ZBTB25: variants seen among roughly 807,000 people sequenced by gnomAD.
ZBTB25 encodes zinc finger and BTB domain containing 25.
A neutral mutation model predicts 34.2 loss-of-function variants in ZBTB25; 20 were observed. That is an observed-to-expected ratio of 0.58 (90% CI 0.41 to 0.85). The LOEUF (loss-of-function observed/expected upper bound fraction) is 0.85. Among genes scored for constraint, ZBTB25 ranks in the 40% least tolerant of loss-of-function variants. The probability of loss-of-function intolerance (pLI) is 0.00; values close to 1 mark genes in which losing one functional copy is unlikely to be tolerated. For synonymous variants in ZBTB25, 175 were observed against 186.4 expected, an observed-to-expected ratio of 0.94 and a Z score of 0.50; for missense variants, 437 against 521.8, an observed-to-expected ratio of 0.84 and a Z score of 1.58.
Position 64,487,336 on chromosome 14 carries a change from A to C in ZBTB25, c.895T>G (p.Ser299Ala). 1 of 1,613,990 alleles carries C rather than the reference A, an allele frequency of 6.2e-7. No individual in the cohort carries two copies. The highest frequency in any genetic ancestry group is 8.5e-7 in the Non-Finnish European group (1 of 1,179,986). The change falls in exon 3 of 3, where the codon TCC becomes GCC. Residue 299 changes from serine to alanine, a missense_variant. Physicochemically the swap from Ser to Ala is moderately conservative, Grantham distance 99 (BLOSUM62 1). Coordinates refer to ENST00000608382, the MANE Select transcript of ZBTB25 (RefSeq NM_006977.5). Reference sequence around the variant, plus strand: ...TGTTCATTCTCCTTAACAATGAAGGAGCTGAGCCTGCGGCATTCAAGGGCC... The same window carrying C: ...TGTTCATTCTCCTTAACAATGAAGGCGCTGAGCCTGCGGCATTCAAGGGCC... ...SEALECRRLS[S>A]FIVKENEQQP...
intron 1 of ZBTB25, among the ~76,000 whole-genome samples, chr14:64,494,221 T>C (rs1166357541): frequency 6.6e-6 from 1 of 152,102 alleles, no homozygotes; most frequent in Non-Finnish European, 1.5e-5. Flanking sequence ...AAGAGAAACA[T>C]GGGGGTGAGG....
chr14:64,501,696 T>C (rs1241326933), intron 1 of ZBTB25, among the ~76,000 whole-genome samples: 2 of 152,214 alleles, frequency 1.3e-5, no homozygotes, highest in Non-Finnish European at 2.9e-5. Flanking sequence ...TAAATCACTT[T>C]GGTTCAGTGG....
At chr14:64,499,436 C>T (rs1237832060) in intron 1 of ZBTB25, 1 of 152,052 alleles carries the variant, frequency 6.6e-6, no homozygotes, top group East Asian at 1.9e-4. Flanking sequence ...TGTGGTGGCA[C>T]ATACCTATAA....
chr14:64,467,310 G>A (rs1327048167), intron 2 of ZBTB25: 2 of 152,198 alleles, frequency 1.3e-5, no homozygotes, highest in East Asian at 3.8e-4. Flanking sequence ...ATATTGTGGT[G>A]AGGATTAGAG....
In ZBTB25 at chr14:64,487,718, A is replaced by G; in HGVS notation, c.513T>C (p.Ser171=). ...TGCCATCATCCAGACCAATAGCAAG[A>G]GACAACTGCAACTGGGGGTGGTCAC... ...VQGDHPQLQL[S]LAIGLDDGTA... Residue 171 remains serine (S), a synonymous_variant, in exon 3 of 3, where the codon TCT becomes TCC. Coordinates refer to ENST00000608382, the MANE Select transcript of ZBTB25 (RefSeq NM_006977.5). 6.2e-7 allele frequency: 1 copy of G among 1,613,814 alleles called. No homozygotes were observed. Among genetic ancestry groups the G allele is most frequent in the Non-Finnish European group, 8.5e-7 (1 of 1,179,906 alleles).
chr14:64,449,289 A>G, exon 3 of ZBTB25: 2 of 789,158 alleles, frequency 2.5e-6, no homozygotes, highest in Non-Finnish European at 4.3e-6. Flanking sequence ...GTCACCAGCT[A>G]GTAAGTTTCG....
chr14:64,481,992 G>A lies in ZBTB25; in HGVS notation c.*4931C>T, dbSNP rs2078800621. 6.6e-6 allele frequency: 1 copy of A among 152,140 alleles called. No homozygotes were observed. The highest frequency in any genetic ancestry group is 2.1e-4 in the South Asian group (1 of 4,834). The allele number at this position is 152,140 out of a possible 1,614,324, so 9.4% of individuals were successfully genotyped here. ...GTATCTGACTCACAACATCAAGAAT[G>A]TGCCTGTACAAATAAATGTTAACGA... On this transcript the variant is annotated 3_prime_UTR_variant, in exon 3 of 3. Coordinates refer to ENST00000608382, the MANE Select transcript of ZBTB25 (RefSeq NM_006977.5).
intron 1 of ZBTB25, among the ~76,000 whole-genome samples, chr14:64,493,704 T>C (rs914418600): frequency 1.3e-5 from 2 of 151,978 alleles, no homozygotes; most frequent in African/African-American, 2.4e-5. Flanking sequence ...GCTTGGGTAA[T>C]TGGAAGAATT....
intron 2 of ZBTB25, chr14:64,471,519 C>T (rs923303986): frequency 4.2e-5 from 7 of 167,166 alleles, no homozygotes; most frequent in African/African-American, 1.4e-4. Flanking sequence ...TTTTTATTTA[C>T]ATATTGAAAG....
In ZBTB25 at chr14:64,449,573, A is replaced by G. The variant is rs149791016; in HGVS notation, c.239T>C (p.Leu80Pro). 161 of 1,614,246 alleles carry G rather than the reference A, an allele frequency of 1.0e-4. 1 individual carries two copies. In the African/African-American group the frequency reaches 2.0e-3, roughly 20 times the overall value. Residue 80 changes from leucine to proline, a missense_variant, in exon 3 of 3, where the codon CTG becomes CCG. By Grantham distance (98) the Leu-to-Pro change is moderately conservative. Transcript: ENST00000555220. ...GCCTTAGCCCTGGCTCAGGCCGTCCAGAGAGCAGCACAAGCACCCAGCAGC... is the reference window on the plus strand; with the variant it reads ...GCCTTAGCCCTGGCTCAGGCCGTCCGGAGAGCAGCACAAGCACCCAGCAGC...
intron 2 of ZBTB25, chr14:64,453,831 T>C: frequency 6.2e-7 from 1 of 1,611,858 alleles, no homozygotes; most frequent in Non-Finnish European, 8.5e-7. Flanking sequence ...TTCCCGAAGC[T>C]CAACACAAAG....
intron 2 of ZBTB25, among the ~76,000 whole-genome samples, chr14:64,449,916 G>A (rs2078343281): frequency 6.6e-6 from 1 of 152,218 alleles, no homozygotes; most frequent in Admixed American, 6.5e-5. Context: ...AGCTTCCCAA[G>A]TAGCTGGGAT....
chr14:64,489,546 T>C (rs1332552927), intron 2 of ZBTB25, among the ~76,000 whole-genome samples: 1 of 151,428 alleles, frequency 6.6e-6, no homozygotes, highest in Non-Finnish European at 1.5e-5. Context: ...TTTTCTTTTT[T>C]TTTTTTTGAG....
chr14:64,449,339 G>A (rs2078334779), exon 3 of ZBTB25: 3 of 1,342,262 alleles, frequency 2.2e-6, no homozygotes, highest in Non-Finnish European at 3.2e-6. Context: ...CTTGGTTAGT[G>A]TTCGTTTATC....
At chr14:64,468,846 G>A (rs371572550) in intron 2 of ZBTB25, 78 of 1,614,034 alleles carry the variant, frequency 4.8e-5, no homozygotes, top group Non-Finnish European at 6.4e-5. Context: ...TCAGACTGCA[G>A]CATCAAAGTC....
chr14:64,502,031 A>T (rs1344162817), intron 1 of ZBTB25, among the ~76,000 whole-genome samples: 1 of 152,220 alleles, frequency 6.6e-6, no homozygotes, highest in Non-Finnish European at 1.5e-5. Flanking sequence ...ACTGCGAATG[A>T]CTGTATTACC....
At chr14:64,490,339 A>G in intron 2 of ZBTB25, 22 bp downstream of exon 2, 1 of 1,508,372 alleles carries the variant, frequency 6.6e-7, no homozygotes, top group Non-Finnish European at 8.9e-7. Flanking sequence ...AAAAATTCTT[A>G]TTTACAAAAA....
At chr14:64,465,923 A>T (rs896027028) in intron 2 of ZBTB25, among the ~76,000 whole-genome samples, 1 of 152,148 alleles carries the variant, frequency 6.6e-6, no homozygotes, top group African/African-American at 2.4e-5. Context: ...TTACATTATA[A>T]TTCTGCAGAC....
Position 64,487,300 on chromosome 14 carries a change from G to C in ZBTB25, c.931C>G (p.His311Asp). ...IVKENEQQPD[H>D]TNRGTTEPLQ... The stretch of plus-strand genomic sequence containing the variant: ...GGCTCTGTGGTACCCCGGTTGGTGT[G>C]GTCTGGCTGCTGTTCATTCTCCTTA... The change falls in exon 3 of 3, where the codon CAC becomes GAC. Residue 311 changes from histidine (H) to aspartate (D), a missense_variant. Transcript: ENST00000608382. The C allele has an allele frequency of 6.2e-7, 1 of 1,614,032 alleles. No individual in the cohort carries two copies. Among genetic ancestry groups the C allele is most frequent in the East Asian group, 2.2e-5 (1 of 44,886 alleles).
Sources: gnomAD v4.1 joint callset for allele counts (sites outside exome capture counted in the v4.1 genomes callset) on GRCh38, gnomAD v4.1.1 for gene constraint, MANE v1.5 for transcripts, NCBI Gene and HGNC (gene_info 2026-07-23, HGNC 2026-07-21) for gene names.